The following NRG3 variants were observed in gnomAD, a reference collection of about 807,000 sequenced individuals.
NRG3 encodes the protein neuregulin 3, also known as pro-neuregulin-3, membrane-bound isoform.
A neutral mutation model predicts 66.9 loss-of-function variants in NRG3; 31 were observed. The ratio of observed to expected loss-of-function variants is 0.46; its 90% CI spans 0.35 to 0.63. The LOEUF is 0.63. Ranked by LOEUF, NRG3 falls within the 20% of genes least tolerant of loss-of-function variation. NRG3 has a pLI of 0.00. For synonymous variants in NRG3, 393 were observed against 359.4 expected, an observed-to-expected ratio of 1.09 and a Z score of -1.06; for missense variants, 910 against 878.9, an observed-to-expected ratio of 1.04 and a Z score of -0.45.
intron 1 of NRG3, among the ~76,000 whole-genome samples, chr10:82,268,839 T>C (rs2078440911): frequency 6.6e-6 from 1 of 152,128 alleles, no homozygotes; most frequent in Non-Finnish European, 1.5e-5. Context: ...AGGAAGAGGA[T>C]TGATACTCTT....
At chr10:82,126,502 G>T (rs999834019) in intron 1 of NRG3, among the ~76,000 whole-genome samples, 11 of 152,016 alleles carry the variant, frequency 7.2e-5, no homozygotes, top group South Asian at 2.1e-4. Context: ...CCACAAGTTG[G>T]TGATGACAAG....
chr10:82,675,953 C>G (rs1463149905), intron 2 of NRG3, among the ~76,000 whole-genome samples: 1 of 152,084 alleles, frequency 6.6e-6, no homozygotes, highest in Non-Finnish European at 1.5e-5. Flanking sequence ...ATGAATCCAT[C>G]CAAATATAAA....
At chr10:82,157,739 T>A (rs1383394758) in intron 1 of NRG3, among the ~76,000 whole-genome samples, 1 of 33,414 alleles carries the variant, frequency 3.0e-5, no homozygotes, top group Admixed American at 2.5e-4. Context: ...ATGTTTGTGG[T>A]GTTATTGTAA....
At chr10:82,607,103 A>C (rs1307871380) in intron 2 of NRG3, among the ~76,000 whole-genome samples, 1 of 152,212 alleles carries the variant, frequency 6.6e-6, no homozygotes, top group Non-Finnish European at 1.5e-5. Flanking sequence ...TGTATTGGTC[A>C]GTTACTGTGC....
At chr10:82,024,742 G>T (rs1164490300) in intron 1 of NRG3, among the ~76,000 whole-genome samples, 1 of 152,072 alleles carries the variant, frequency 6.6e-6, no homozygotes, top group East Asian at 1.9e-4. Flanking sequence ...ATGCGGAAAA[G>T]ATTGAGAAGT....
intron 3 of NRG3, among the ~76,000 whole-genome samples, chr10:82,846,875 G>T (rs1349708836): frequency 1.3e-5 from 2 of 152,208 alleles, no homozygotes; most frequent in East Asian, 3.9e-4. Context: ...CTATGAGCGA[G>T]ATTGTGCTTG....
chr10:82,868,322 G>A (rs904495595), intron 4 of NRG3, among the ~76,000 whole-genome samples: 2 of 152,194 alleles, frequency 1.3e-5, no homozygotes, highest in African/African-American at 2.4e-5. Flanking sequence ...GGAAAAAATA[G>A]TAGATTGTCA....
intron 2 of NRG3, among the ~76,000 whole-genome samples, chr10:82,523,516 A>G (rs1846402704): frequency 1.3e-5 from 2 of 151,942 alleles, no homozygotes; most frequent in Admixed American, 6.6e-5. Context: ...CCAATTTTAT[A>G]TCTTCTTTGG....
At chr10:81,886,644 T>G (rs1842635440) in intron 1 of NRG3, among the ~76,000 whole-genome samples, 1 of 152,172 alleles carries the variant, frequency 6.6e-6, no homozygotes, top group African/African-American at 2.4e-5. Flanking sequence ...CCTTGAGCTC[T>G]ATAACCAAAT....
chr10:82,617,335 CACAG>C (rs2048734012), intron 2 of NRG3, among the ~76,000 whole-genome samples: 1 of 150,998 alleles, frequency 6.6e-6, no homozygotes. Flanking sequence ...CACACACACA[CACAG>C]ACACACACAC....
At chr10:82,082,150 G>C (rs924743699) in intron 1 of NRG3, among the ~76,000 whole-genome samples, 1 of 152,134 alleles carries the variant, frequency 6.6e-6, no homozygotes, top group African/African-American at 2.4e-5. Flanking sequence ...TGGCCTAACT[G>C]CTTATGTGTA....
intron 6 of NRG3, among the ~76,000 whole-genome samples, chr10:82,972,382 G>A (rs2132573122): frequency 6.6e-6 from 1 of 151,996 alleles, no homozygotes; most frequent in Non-Finnish European, 1.5e-5. Context: ...ATATCTTCCA[G>A]CCATGTTGAA....
chr10:82,118,935 A>G (rs1215876377), intron 1 of NRG3, among the ~76,000 whole-genome samples: 1 of 152,188 alleles, frequency 6.6e-6, no homozygotes, highest in Admixed American at 6.6e-5. Flanking sequence ...GAACATTTAC[A>G]GACACAGTCT....
intron 3 of NRG3, among the ~76,000 whole-genome samples, chr10:82,743,650 C>A (rs2058522906): frequency 6.6e-6 from 1 of 152,104 alleles, no homozygotes. Flanking sequence ...TTGTCATTCC[C>A]AGTGCCTAGA....
At chr10:82,043,161 G>A (rs7075828) in intron 1 of NRG3, among the ~76,000 whole-genome samples, 131,044 of 151,944 alleles carry the variant, frequency 0.86, 58,433 homozygotes, top group South Asian at 0.99. Context: ...AGTGAGGACA[G>A]CTGCATGGCA....
chr10:82,258,886 G>T (rs1315610290), intron 1 of NRG3, among the ~76,000 whole-genome samples: 2 of 152,158 alleles, frequency 1.3e-5, no homozygotes, highest in Non-Finnish European at 2.9e-5. Flanking sequence ...CTTCCACTTT[G>T]AGAAAGATAC....
chr10:82,051,469 C>T (rs980029212), intron 1 of NRG3, among the ~76,000 whole-genome samples: 6 of 152,060 alleles, frequency 3.9e-5, no homozygotes, highest in African/African-American at 1.2e-4. Flanking sequence ...CCAAATGTGC[C>T]GAAGTTTGGA....
chr10:81,976,174 A>G (rs1414499478), intron 1 of NRG3, among the ~76,000 whole-genome samples: 1 of 152,142 alleles, frequency 6.6e-6, no homozygotes, highest in African/African-American at 2.4e-5. Flanking sequence ...TTGAGGGGTG[A>G]GGTAGTTGGG....
At chr10:82,095,383 T>C (rs2066275499) in intron 1 of NRG3, among the ~76,000 whole-genome samples, 1 of 151,968 alleles carries the variant, frequency 6.6e-6, no homozygotes, top group Non-Finnish European at 1.5e-5. Context: ...ACCTAATCAC[T>C]AATAAAATAA....
Sources: gnomAD v4.1 joint callset for allele counts (sites outside exome capture counted in the v4.1 genomes callset) on GRCh38, gnomAD v4.1.1 for gene constraint, MANE v1.5 for transcripts, NCBI Gene and HGNC (gene_info 2026-07-23, HGNC 2026-07-21) for gene names.